The following XYLT1 variants were observed in gnomAD, a reference collection of about 807,000 sequenced individuals.
XYLT1 encodes the protein xylosyltransferase 1.
XYLT1 carries 36 observed loss-of-function variants against 91.3 expected under a neutral mutation model. The observed-to-expected ratio is 0.39, with a 90% CI of 0.30 to 0.52. The LOEUF (loss-of-function observed/expected upper bound fraction) is 0.52, where lower values mean the gene tolerates loss of function less well. XYLT1 is among the 20% of genes least tolerant of loss of function. XYLT1 has a pLI of 0.68. For synonymous variants in XYLT1, 588 were observed against 532.0 expected (o/e 1.11, Z -1.45); for missense variants, 1,242 against 1,284.5 (o/e 0.97, Z 0.51).
At chr16:17,123,986 T>TG (rs1166680091) in intron 10 of XYLT1, among the ~76,000 whole-genome samples, 1 of 152,172 alleles carries the variant, frequency 6.6e-6, no homozygotes, top group Admixed American at 6.5e-5. Context: ...TTGCATGGAG[T>TG]ATCTTTTTTC....
Position 17,470,833 on chromosome 16 carries a change from C to A in XYLT1, c.-37G>T. 2.0e-6 allele frequency: 2 copies of A among 984,232 alleles called. No homozygotes were observed. The highest frequency in any genetic ancestry group is 9.1e-5 in the South Asian group (2 of 21,960). The allele number at this position is 984,232 out of a possible 1,614,324, so 61.0% of individuals were successfully genotyped here. On this transcript the variant is annotated 5_prime_UTR_variant, in exon 1 of 12. Coordinates refer to ENST00000261381, the MANE Select transcript of XYLT1 (RefSeq NM_022166.4). ...GGCCGGCGAGCGAGGCGCGGGGACC[C>A]CGGCACGCTCCGGGCCGCCCCCGCG...
chr16:17,117,987 AG>A lies in XYLT1; in HGVS notation c.2224-9del. 1.2e-6 allele frequency: 2 copies of A among 1,602,146 alleles called. No homozygotes were observed. The highest frequency in any genetic ancestry group is 1.1e-5 in the South Asian group (1 of 89,976). ...ATCCCAGTCAGTGCCGACCTGAAAC[AG>A]GGGAGTGAATTCTGAAGTCACTGGG... On this transcript the variant is annotated splice_polypyrimidine_tract_variant and intron_variant, in intron 10 of 11. Transcript: ENST00000261381.
intron 1 of XYLT1, among the ~76,000 whole-genome samples, chr16:17,391,939 G>A (rs1022719964): frequency 1.3e-5 from 2 of 152,050 alleles, no homozygotes; most frequent in Non-Finnish European, 2.9e-5. Context: ...TTTGCCTTCC[G>A]TCATGACTGC....
intron 3 of XYLT1, 105 bp downstream of exon 3, chr16:17,258,883 G>C (rs768891006): frequency 4.9e-5 from 65 of 1,326,474 alleles, no homozygotes; most frequent in Non-Finnish European, 4.6e-5. Context: ...TTGGAAAACA[G>C]GGTGGCCTTT....
chr16:17,141,262 G>A lies in XYLT1; in HGVS notation c.1478C>T (p.Ser493Leu), dbSNP rs766592264. The A allele has an allele frequency of 1.9e-6, 3 of 1,614,150 alleles. No individual in the cohort carries two copies. The highest frequency in any genetic ancestry group is 1.1e-5 in the South Asian group (1 of 91,082). The change falls in exon 7 of 12, where the codon TCG (serine) becomes TTG (leucine). Residue 493 changes from serine to leucine, a missense_variant. Coordinates refer to ENST00000261381, the MANE Select transcript of XYLT1 (RefSeq NM_022166.4). The stretch of plus-strand genomic sequence containing the variant: ...CCTCCGGTTCAGCAGGAACCAGTCC[G>A]AACCGCCATCCACGGCAATGCCCTC... ...IPEGIAVDGG[S>L]DWFLLNRRFV...
chr16:17,401,924 A>C (rs1336097804), intron 1 of XYLT1, among the ~76,000 whole-genome samples: 1 of 152,202 alleles, frequency 6.6e-6, no homozygotes, highest in Non-Finnish European at 1.5e-5. Context: ...AGCAATGGTG[A>C]CATTAAATAA....
At chr16:17,394,292 G>A (rs1389614068) in intron 1 of XYLT1, among the ~76,000 whole-genome samples, 5 of 152,162 alleles carry the variant, frequency 3.3e-5, no homozygotes, top group African/African-American at 1.2e-4. Flanking sequence ...GGTGGCTCAT[G>A]TCACCCACCA....
intron 1 of XYLT1, among the ~76,000 whole-genome samples, chr16:17,387,173 T>A (rs2035757597): frequency 6.6e-6 from 1 of 152,140 alleles, no homozygotes; most frequent in African/African-American, 2.4e-5. Flanking sequence ...TATGGATTCC[T>A]CTCCTCCATC....
intron 1 of XYLT1, among the ~76,000 whole-genome samples, chr16:17,440,809 T>C (rs1321310549): frequency 2.0e-5 from 3 of 152,012 alleles, no homozygotes; most frequent in Non-Finnish European, 2.9e-5. Flanking sequence ...AGAAGTCCAG[T>C]AGGGGTAAGT....
chr16:17,158,026 C>T (rs923643328), intron 6 of XYLT1, among the ~76,000 whole-genome samples: 4 of 118,780 alleles, frequency 3.4e-5, no homozygotes, highest in Admixed American at 2.5e-4. Flanking sequence ...GGATTACAGG[C>T]ATGAGCCACT....
intron 3 of XYLT1, among the ~76,000 whole-genome samples, chr16:17,201,181 T>C (rs2032534824): frequency 1.3e-5 from 2 of 152,246 alleles, no homozygotes; most frequent in East Asian, 1.9e-4. Context: ...ATTAATACAA[T>C]GTTGTACAGC....
intron 5 of XYLT1, among the ~76,000 whole-genome samples, chr16:17,178,262 G>A (rs1234975437): frequency 2.0e-5 from 3 of 152,140 alleles, no homozygotes; most frequent in Admixed American, 2.0e-4. Flanking sequence ...CACGAAGTAG[G>A]TTAGGGGAAC....
chr16:17,412,935 G>A (rs8053840), intron 1 of XYLT1, among the ~76,000 whole-genome samples: 28 of 152,278 alleles, frequency 1.8e-4, no homozygotes, highest in African/African-American at 3.4e-4. Flanking sequence ...CACAATGCTC[G>A]TATCTGCTGA....
At chr16:17,200,693 G>T (rs761119642) in intron 3 of XYLT1, 39 bp from the exon 4 acceptor site, 3 of 1,597,176 alleles carry the variant, frequency 1.9e-6, no homozygotes, top group South Asian at 1.1e-5. Context: ...AGAAAGTGAG[G>T]CTCTGCCATC....
chr16:17,139,150 G>GAAACA (rs376763308), intron 7 of XYLT1, among the ~76,000 whole-genome samples: 1 of 151,908 alleles, frequency 6.6e-6, no homozygotes, highest in African/African-American at 2.4e-5. Flanking sequence ...AACTAGAGGA[G>GAAACA]AAACAATCAA....
chr16:17,201,803 A>C (rs1235973866), intron 3 of XYLT1, among the ~76,000 whole-genome samples: 1 of 152,004 alleles, frequency 6.6e-6, no homozygotes, highest in African/African-American at 2.4e-5. Flanking sequence ...TACACAGGAG[A>C]CTAGAAGATT....
chr16:17,350,244 A>C (rs1370454142), intron 2 of XYLT1, among the ~76,000 whole-genome samples: 1 of 152,108 alleles, frequency 6.6e-6, no homozygotes, highest in African/African-American at 2.4e-5. Context: ...GGTGAAGTCC[A>C]CTCCCAACAA....
intron 5 of XYLT1, among the ~76,000 whole-genome samples, chr16:17,172,567 G>A (rs2031850385): frequency 6.6e-6 from 1 of 150,392 alleles, no homozygotes; most frequent in Admixed American, 6.7e-5. Context: ...TGCTTCCCAG[G>A]TTCAAGCGAT....
intron 2 of XYLT1, among the ~76,000 whole-genome samples, chr16:17,351,758 G>A (rs2035224053): frequency 6.8e-6 from 1 of 147,650 alleles, no homozygotes. Flanking sequence ...TTGGGGGGGG[G>A]TGCTTTCCTG....
Sources: gnomAD v4.1 joint callset for allele counts (sites outside exome capture counted in the v4.1 genomes callset) on GRCh38, gnomAD v4.1.1 for gene constraint, MANE v1.5 for transcripts, NCBI Gene and HGNC (gene_info 2026-07-23, HGNC 2026-07-21) for gene names.